Variants in ZSCAN1 observed in about 807,000 individuals in gnomAD.
ZSCAN1 encodes the protein zinc finger and SCAN domain containing 1.
In ZSCAN1, 23 loss-of-function variants were observed where a neutral mutation model predicts 23.8. That is an observed-to-expected ratio of 0.97 (90% CI 0.70 to 1.37). ZSCAN1 has a LOEUF of 1.37. ZSCAN1 is among the 40% of genes most tolerant of loss of function. ZSCAN1 has a pLI of 0.00. For missense variants in ZSCAN1, 575 were observed against 554.0 expected (o/e 1.04, Z -0.38); for synonymous variants, 236 against 232.3 (o/e 1.02, Z -0.15).
chr19:58,054,235 G>T lies in ZSCAN1; in HGVS notation c.*184G>T. 1 of 722,528 alleles carries T rather than the reference G, an allele frequency of 1.4e-6. No homozygotes were observed. Among genetic ancestry groups the T allele is most frequent in the Non-Finnish European group, 2.1e-6 (1 of 466,016 alleles). The allele number at this position is 722,528 out of a possible 1,614,324, so 44.8% of individuals were successfully genotyped here. On this transcript the variant is annotated 3_prime_UTR_variant, in exon 6 of 6. Coordinates refer to ENST00000282326, the MANE Select transcript of ZSCAN1 (RefSeq NM_182572.4). This position sits in a 1 kb window ranked among gnomAD's most constrained non-coding sequence, Gnocchi z 4.2. Reference sequence around the variant, plus strand: ...GCTCCGAAGCCAAGCACGGGATGGGGCTTCCCAGGGTCTCAGCTGAGAAGC... The same window carrying T: ...GCTCCGAAGCCAAGCACGGGATGGGTCTTCCCAGGGTCTCAGCTGAGAAGC...
chr19:58,036,468 T>C (rs900840468), intron 2 of ZSCAN1, among the ~76,000 whole-genome samples: 1 of 152,094 alleles, frequency 6.6e-6, no homozygotes, highest in African/African-American at 2.4e-5. Flanking sequence ...ATGTTCACCA[T>C]AGTCGGCTTG....
intron 1 of ZSCAN1, among the ~76,000 whole-genome samples, chr19:58,034,383 G>T (rs2073717564): frequency 6.6e-6 from 1 of 151,134 alleles, no homozygotes; most frequent in Admixed American, 6.6e-5. Context: ...GGAAGGGGAA[G>T]GCTAGAGGCC....
At chr19:58,039,551 C>T (rs1293814660) in intron 3 of ZSCAN1, among the ~76,000 whole-genome samples, 3 of 152,116 alleles carry the variant, frequency 2.0e-5, no homozygotes, top group Non-Finnish European at 4.4e-5. Context: ...AGGCGGATCA[C>T]AAGGCAGGAG....
rs1050016302 is a variant in ZSCAN1, at chr19:58,054,468, C to T, written c.*417C>T. Reference sequence around the variant, plus strand: ...AGGGTGGGAGCCGGCCTGGGCAGCTCCAACTCCAGAGAAGGGTACAGCTGA... The same window carrying T: ...AGGGTGGGAGCCGGCCTGGGCAGCTTCAACTCCAGAGAAGGGTACAGCTGA... On this transcript the variant is annotated 3_prime_UTR_variant, in exon 6 of 6. Coordinates refer to ENST00000282326, the MANE Select transcript of ZSCAN1 (RefSeq NM_182572.4). This position sits in a 1 kb window ranked among gnomAD's most constrained non-coding sequence, Gnocchi z 4.2. 1.8e-5 allele frequency: 3 copies of T among 166,222 alleles called. No individual in the cohort carries two copies. Among genetic ancestry groups the T allele is most frequent in the Admixed American group, 6.2e-5 (1 of 16,184 alleles). 10.3% of individuals were successfully genotyped at this position (166,222 alleles called of 1,614,324 possible).
intron 4 of ZSCAN1, chr19:58,046,072 C>A: frequency 1.5e-6 from 1 of 681,026 alleles, no homozygotes. Flanking sequence ...GGAAGGCGCT[C>A]CCCAAAGGCC....
At chr19:58,055,640 G>A (rs1346204669), downstream of ZSCAN1, among the ~76,000 whole-genome samples, 1 of 152,202 alleles carries the variant, frequency 6.6e-6, no homozygotes, top group Non-Finnish European at 1.5e-5. Flanking sequence ...CAGATTGATC[G>A]TCTCAGACAA....
chr19:58,052,691 C>T, intron 5 of ZSCAN1, 63 bp downstream of exon 5: 2 of 1,521,190 alleles, frequency 1.3e-6, no homozygotes, highest in South Asian at 2.6e-5. Flanking sequence ...AACCCAAAGC[C>T]ACAGACTTTG....
rs144494965 is a variant in ZSCAN1, at chr19:58,053,599, G to A, written c.775G>A (p.Gly259Ser). 1.8e-4 allele frequency: 291 copies of A among 1,614,010 alleles called. No individual in the cohort carries two copies. Among genetic ancestry groups the A allele is most frequent in the South Asian group, 4.4e-4 (40 of 91,074 alleles). Reference protein sequence around the residue: ...RRRNRNTDQSGRHQPSLKHTK... With the variant: ...RRRNRNTDQSSRHQPSLKHTK... ...GAGAAACAGGAACACTGACCAGAGC[G>A]GCCGCCACCAGCCATCCCTCAAGCA... is the stretch of plus-strand genomic sequence containing the variant. Residue 259 changes from glycine (G) to serine (S), a missense_variant, in exon 6 of 6, where the codon GGC becomes AGC. Transcript: ENST00000282326. The surrounding 1 kb of genome is among the most constrained non-coding windows in gnomAD (Gnocchi z 5.8).
chr19:58,034,196 GC>G (rs1160539880), intron 1 of ZSCAN1, 35 bp downstream of exon 1: 14 of 151,174 alleles, frequency 9.3e-5, no homozygotes, highest in African/African-American at 3.1e-4. Context: ...CCCTCCGCCC[GC>G]CAGAGCGTCC....
rs2073834838 is a variant in ZSCAN1, at chr19:58,047,680, C to A, written c.466-4810C>A. On this transcript the variant is annotated intron_variant, in intron 4 of 5. Transcript: ENST00000282326. The surrounding 1 kb of genome is among the most constrained non-coding windows in gnomAD (Gnocchi z 4.9). ...GTGAGGTTTGAGTCCAGTGCACCCA[C>A]AGCAGCATACCCTTCTCACCCCTTG... Among the ~76,000 whole-genome samples the A allele has an allele frequency of 1.3e-5, 2 of 152,236 alleles. No individual in the cohort carries two copies. Among genetic ancestry groups the A allele is most frequent in the Admixed American group, 6.5e-5 (1 of 15,292 alleles).
In ZSCAN1 at chr19:58,049,295, A is replaced by G. The variant is rs2073844262; in HGVS notation, c.466-3195A>G. On this transcript the variant is annotated intron_variant, in intron 4 of 5. Coordinates refer to ENST00000282326, the MANE Select transcript of ZSCAN1 (RefSeq NM_182572.4). The surrounding 1 kb of genome is among the most constrained non-coding windows in gnomAD (Gnocchi z 4.5). ...CAGATACAAATCCCCTTGATCTTCC[A>G]GTAACTGTTTTAACTGTGCAATCTG... 1 of 152,336 alleles carries G rather than the reference A, an allele frequency of 6.6e-6. No individual in the cohort carries two copies. Among genetic ancestry groups the G allele is most frequent in the Non-Finnish European group, 1.5e-5 (1 of 68,104 alleles). 9.4% of individuals were successfully genotyped at this position (152,336 alleles called of 1,614,324 possible).
At chr19:58,037,529 T>TG (rs2073746602) in intron 2 of ZSCAN1, among the ~76,000 whole-genome samples, 199 bp from the exon 3 acceptor site, 1 of 152,028 alleles carries the variant, frequency 6.6e-6, no homozygotes, top group Non-Finnish European at 1.5e-5. Flanking sequence ...GCAAAGGTCC[T>TG]GGGGCAGCCA....
Position 58,040,343 on chromosome 19 carries a change from G to C in ZSCAN1, c.371-107G>C. On this transcript the variant is annotated intron_variant, in intron 3 of 5. Coordinates refer to ENST00000282326, the MANE Select transcript of ZSCAN1 (RefSeq NM_182572.4). This position sits in a 1 kb window ranked among gnomAD's most constrained non-coding sequence, Gnocchi z 5.8. The stretch of plus-strand genomic sequence containing the variant: ...GCAGCCACTCTTGCCTGCGCCTCAG[G>C]GGTGCTGCAGGGATGTTCGGGGAAA... The C allele has an allele frequency of 8.7e-7, 1 of 1,153,076 alleles. No individual in the cohort carries two copies. Among genetic ancestry groups the C allele is most frequent in the Non-Finnish European group, 1.3e-6 (1 of 782,828 alleles). The allele number at this position is 1,153,076 out of a possible 1,614,324, so 71.4% of individuals were successfully genotyped here. A position where few individuals can be genotyped will look rare whatever the true frequency, so the allele number is the denominator to read the frequency against.
intron 2 of ZSCAN1, among the ~76,000 whole-genome samples, chr19:58,036,500 TC>T (rs1171502204): frequency 2.1e-5 from 3 of 142,012 alleles, no homozygotes; most frequent in Non-Finnish European, 4.5e-5. Flanking sequence ...AAAGGTAACT[TC>T]TTTTTTTTCT....
chr19:58,053,836 C>T lies in ZSCAN1; in HGVS notation c.1012C>T (p.His338Tyr), dbSNP rs146375829. The T allele has an allele frequency of 5.9e-5, 96 of 1,614,022 alleles. No individual in the cohort carries two copies. Among genetic ancestry groups the T allele is most frequent in the Non-Finnish European group, 8.1e-5 (95 of 1,180,034 alleles). Reference sequence around the variant, plus strand: ...CCTGCACAACTCCGTCCTCACTGAGCATGGCAAGATCCACCTGCTGGAGCC... The same window carrying T: ...CCTGCACAACTCCGTCCTCACTGAGTATGGCAAGATCCACCTGCTGGAGCC... ...VFLHNSVLTE[H>Y]GKIHLLEPPR... Residue 338 changes from histidine to tyrosine, a missense_variant, in exon 6 of 6, where the codon CAT becomes TAT. Transcript: ENST00000282326. This position sits in a 1 kb window ranked among gnomAD's most constrained non-coding sequence, Gnocchi z 5.8.
At chr19:58,046,164 C>A in intron 4 of ZSCAN1, 1 of 735,540 alleles carries the variant, frequency 1.4e-6, no homozygotes. Flanking sequence ...TGCTAGAGGG[C>A]TTGAAGGAGG....
rs1461071001 is a variant in ZSCAN1 at position 58,044,626 on chromosome 19, G to C, written c.465+4082G>C. 3 of 1,057,788 alleles carry C rather than the reference G, an allele frequency of 2.8e-6. 1 individual carries two copies. The highest frequency in any genetic ancestry group is 4.2e-6 in the Non-Finnish European group (3 of 713,674). The allele number at this position is 1,057,788 out of a possible 1,614,324, so 65.5% of individuals were successfully genotyped here. ...TAATGAGGAGCTGCCGCGGCTGGGC[G>C]CCCGCCAGCCTCCCGCCGCCGCCTC... On this transcript the variant is annotated intron_variant, in intron 4 of 5. Transcript: ENST00000282326.
At chr19:58,051,873 A>G (rs886592984) in intron 4 of ZSCAN1, among the ~76,000 whole-genome samples, 3 of 152,246 alleles carry the variant, frequency 2.0e-5, no homozygotes, top group Non-Finnish European at 4.4e-5. Flanking sequence ...ACACCAAGCC[A>G]AGCCCCTCTG....
In ZSCAN1 at chr19:58,045,036, G is replaced by A. The variant is rs553513137; in HGVS notation, c.465+4492G>A. The A allele has an allele frequency of 8.1e-6, 9 of 1,114,974 alleles. No homozygotes were observed. The highest frequency in any genetic ancestry group is 7.6e-5 in the African/African-American group (5 of 65,506). The allele number at this position is 1,114,974 out of a possible 1,614,324, so 69.1% of individuals were successfully genotyped here. ...GCGCCCCCGCAGAGATGGTGGTGAAGTCCCGGGGGCAGAGAGGGTGCTGGG... is the reference window on the plus strand; with the variant it reads ...GCGCCCCCGCAGAGATGGTGGTGAAATCCCGGGGGCAGAGAGGGTGCTGGG... On this transcript the variant is annotated intron_variant, in intron 4 of 5. Coordinates refer to ENST00000282326, the MANE Select transcript of ZSCAN1 (RefSeq NM_182572.4). The surrounding 1 kb of genome is among the most constrained non-coding windows in gnomAD (Gnocchi z 4.3).
Sources: gnomAD v4.1 joint callset for allele counts (sites outside exome capture counted in the v4.1 genomes callset) on GRCh38, gnomAD v4.1.1 for gene constraint, Gnocchi (gnomAD v3.1) non-coding constraint, MANE v1.5 for transcripts, NCBI Gene and HGNC (gene_info 2026-07-23, HGNC 2026-07-21) for gene names.